ARHGAP44: variants seen among roughly 807,000 people sequenced by gnomAD.
ARHGAP44 encodes Rho GTPase activating protein 44.
In ARHGAP44, 43 loss-of-function variants were observed where a neutral mutation model predicts 106.8. The observed-to-expected ratio is 0.40, with a 90% CI of 0.32 to 0.52. The LOEUF (loss-of-function observed/expected upper bound fraction) is 0.52, where lower values mean the gene tolerates loss of function less well. Ranked by LOEUF, ARHGAP44 falls within the 20% of genes least tolerant of loss-of-function variation. The pLI is 0.48. For missense variants in ARHGAP44, 866 were observed against 1,050.5 expected (o/e 0.82, Z 2.43); for synonymous variants, 439 against 410.3 (o/e 1.07, Z -0.85).
intron 13 of ARHGAP44, 69 bp from the exon 14 acceptor site, chr17:12,955,798 G>A (rs1405829275): frequency 6.6e-6 from 6 of 909,282 alleles, no homozygotes; most frequent in Non-Finnish European, 1.0e-5. Flanking sequence ...AGAAGCTTCT[G>A]TCCAGTCCCC....
chr17:12,802,954 TATATATA>T (rs2034152999), intron 1 of ARHGAP44, among the ~76,000 whole-genome samples: 3 of 24,270 alleles, frequency 1.2e-4, no homozygotes, highest in African/African-American at 1.2e-3. Flanking sequence ...TATATATATA[TATATATA>T]TATATATATT....
chr17:12,904,375 G>A (rs1164916212), intron 3 of ARHGAP44, among the ~76,000 whole-genome samples: 1 of 152,104 alleles, frequency 6.6e-6, no homozygotes, highest in Non-Finnish European at 1.5e-5. Flanking sequence ...CAAAGCTCTG[G>A]GATTACAGGC....
intron 6 of ARHGAP44, among the ~76,000 whole-genome samples, chr17:12,927,887 A>T (rs2038292759): frequency 6.6e-6 from 1 of 152,172 alleles, no homozygotes; most frequent in Non-Finnish European, 1.5e-5. Context: ...GAAATAGAGG[A>T]TCGTGCGGAC....
chr17:12,944,939 C>T (rs1482104408), intron 10 of ARHGAP44, among the ~76,000 whole-genome samples: 1 of 151,926 alleles, frequency 6.6e-6, no homozygotes, highest in African/African-American at 2.4e-5. Context: ...TTATAGAGAT[C>T]CTGAAAATAT....
In ARHGAP44 at chr17:12,841,647, C is replaced by CA. The variant is rs1253181473; in HGVS notation, c.53+51759dup. On this transcript the variant is annotated intron_variant, in intron 1 of 20. Coordinates refer to ENST00000379672, the MANE Select transcript of ARHGAP44 (RefSeq NM_014859.6). ...ACACACACACACACACACAAACAAA[C>CA]AAACAAAAACCACACAACCAAAACA... Among the ~76,000 whole-genome samples, 24 of 143,428 alleles carry CA rather than the reference C, an allele frequency of 1.7e-4. 1 individual carries two copies. Among genetic ancestry groups the CA allele is most frequent in the African/African-American group, 6.3e-4 (22 of 35,056 alleles). The allele number at this position is 143,428 out of a possible 152,430, so 94.1% of individuals were successfully genotyped here. A position where few individuals can be genotyped will look rare whatever the true frequency, so the allele number is the denominator to read the frequency against.
chr17:12,896,560 C>T, intron 3 of ARHGAP44, 49 bp downstream of exon 3: 1 of 1,498,076 alleles, frequency 6.7e-7, no homozygotes, highest in Non-Finnish European at 9.1e-7. Context: ...CTACTGAGGA[C>T]AAGGTTCCTA....
rs560083157 is a variant in ARHGAP44 at position 12,875,901 on chromosome 17, G to A, written c.54-19039G>A. Among the ~76,000 whole-genome samples the A allele has an allele frequency of 9.9e-5, 15 of 152,240 alleles. No homozygotes were observed. The East Asian group carries it at 2.5e-3, about 26-fold the overall frequency. The stretch of plus-strand genomic sequence containing the variant: ...GGAGTTTGCAGTGAGCTGAGATGGC[G>A]TCATCGCACTCCAGCCTGGAGGACA... On this transcript the variant is annotated intron_variant, in intron 1 of 20. Coordinates refer to ENST00000379672, the MANE Select transcript of ARHGAP44 (RefSeq NM_014859.6).
chr17:12,863,291 A>G (rs1401025731), intron 1 of ARHGAP44, among the ~76,000 whole-genome samples: 1 of 152,094 alleles, frequency 6.6e-6, no homozygotes, highest in Admixed American at 6.6e-5. Flanking sequence ...CCAACGAGAA[A>G]TAAGAACTTC....
At chr17:12,844,387 A>G (rs2035504206) in intron 1 of ARHGAP44, among the ~76,000 whole-genome samples, 1 of 152,196 alleles carries the variant, frequency 6.6e-6, no homozygotes, top group African/African-American at 2.4e-5. Flanking sequence ...CAATATAGCA[A>G]CAGACTCTTG....
intron 16 of ARHGAP44, among the ~76,000 whole-genome samples, chr17:12,968,990 C>A (rs898268230): frequency 6.6e-6 from 1 of 151,998 alleles, no homozygotes; most frequent in African/African-American, 2.4e-5. Context: ...AGGATGGTCT[C>A]GATCTCCTGA....
At chr17:12,825,595 G>T (rs1427962239) in intron 1 of ARHGAP44, among the ~76,000 whole-genome samples, 1 of 152,040 alleles carries the variant, frequency 6.6e-6, no homozygotes, top group African/African-American at 2.4e-5. Context: ...TTTTCTGGGG[G>T]ACCTCAGTCT....
chr17:12,843,900 AC>A (rs1453921753), intron 1 of ARHGAP44, among the ~76,000 whole-genome samples: 1 of 150,450 alleles, frequency 6.6e-6, no homozygotes, highest in Non-Finnish European at 1.5e-5. Flanking sequence ...CAAGTGATCC[AC>A]CCACCTTGAC....
At chr17:12,864,685 A>G (rs1434006268) in intron 1 of ARHGAP44, among the ~76,000 whole-genome samples, 1 of 152,240 alleles carries the variant, frequency 6.6e-6, no homozygotes, top group East Asian at 1.9e-4. Flanking sequence ...ACTCTAAACT[A>G]GAAAATATGG....
In ARHGAP44 at chr17:12,900,501, A is replaced by G. The variant is rs1010027232; in HGVS notation, c.198+3990A>G. On this transcript the variant is annotated intron_variant, in intron 3 of 20. Coordinates refer to ENST00000379672, the MANE Select transcript of ARHGAP44 (RefSeq NM_014859.6). ...TTTTGAGACTCTTAATATAATGAAGATGTTTAGTTTTTTGAAGTCCTTGCA... is the reference window on the plus strand; with the variant it reads ...TTTTGAGACTCTTAATATAATGAAGGTGTTTAGTTTTTTGAAGTCCTTGCA... Among the ~76,000 whole-genome samples, 3 of 152,166 alleles carry G rather than the reference A, an allele frequency of 2.0e-5. No homozygotes were observed. In the South Asian group the frequency reaches 6.2e-4, roughly 32 times the overall value.
intron 1 of ARHGAP44, among the ~76,000 whole-genome samples, chr17:12,831,173 A>C (rs1350464533): frequency 6.6e-6 from 1 of 152,200 alleles, no homozygotes; most frequent in Admixed American, 6.5e-5. Context: ...AACTCTTGTG[A>C]GGTCAGGAGG....
intron 16 of ARHGAP44, among the ~76,000 whole-genome samples, chr17:12,967,490 C>T (rs572055086): frequency 1.3e-5 from 2 of 152,058 alleles, no homozygotes; most frequent in African/African-American, 4.8e-5. Flanking sequence ...TTATTCTGAA[C>T]CCTGCCATCA....
chr17:12,879,518 C>T (rs2036657165), intron 1 of ARHGAP44, among the ~76,000 whole-genome samples: 1 of 151,968 alleles, frequency 6.6e-6, no homozygotes, highest in Non-Finnish European at 1.5e-5. Flanking sequence ...TTTTAATTTG[C>T]ATGTAGTTGA....
chr17:12,951,755 T>A (rs1220186834), intron 12 of ARHGAP44, among the ~76,000 whole-genome samples: 1 of 152,204 alleles, frequency 6.6e-6, no homozygotes, highest in East Asian at 1.9e-4. Context: ...TAATTTTGCC[T>A]AGAACAGTGA....
chr17:12,806,235 A>AGT (rs1481679194), intron 1 of ARHGAP44, among the ~76,000 whole-genome samples: 1 of 152,152 alleles, frequency 6.6e-6, no homozygotes, highest in Non-Finnish European at 1.5e-5. Context: ...GTTTGGTTGT[A>AGT]GTGGGGGCTT....
Sources: gnomAD v4.1 joint callset for allele counts (sites outside exome capture counted in the v4.1 genomes callset) on GRCh38, gnomAD v4.1.1 for gene constraint, MANE v1.5 for transcripts, NCBI Gene and HGNC (gene_info 2026-07-23, HGNC 2026-07-21) for gene names.